The following SMG1 variants were observed in gnomAD, a reference collection of about 807,000 sequenced individuals.
SMG1 encodes serine/threonine-protein kinase SMG1.
A neutral mutation model predicts 419.9 loss-of-function variants in SMG1; 22 were observed. The ratio of observed to expected loss-of-function variants is 0.05; its 90% CI spans 0.04 to 0.07. The LOEUF (loss-of-function observed/expected upper bound fraction) is 0.07. SMG1 is among the 10% of genes least tolerant of loss of function. The pLI, the probability that SMG1 is intolerant of heterozygous loss-of-function variation, is 1.00. For missense variants in SMG1, 3,185 were observed against 4,342.0 expected (o/e 0.73, Z 7.49); for synonymous variants, 1,538 against 1,553.5 (o/e 0.99, Z 0.23).
intron 16 of SMG1, among the ~76,000 whole-genome samples, chr16:18,871,137 T>C (rs1345012093): frequency 2.0e-5 from 3 of 152,080 alleles, no homozygotes; most frequent in South Asian, 4.1e-4. Context: ...TAAAAGTATA[T>C]GCAAACTATA....
At chr16:18,834,505 T>TC in intron 49 of SMG1, 67 bp from the exon 50 acceptor site, 1 of 1,428,898 alleles carries the variant, frequency 7.0e-7, no homozygotes. Flanking sequence ...ACTGGCCGGG[T>TC]CAAGGCCATG....
At chr16:18,863,281 TAGAATA>T (rs1350701073) in intron 25 of SMG1, among the ~76,000 whole-genome samples, 1 of 152,230 alleles carries the variant, frequency 6.6e-6, no homozygotes, top group Admixed American at 6.5e-5. Context: ...CTGTCCTCAT[TAGAATA>T]AATGTTTTTG....
chr16:18,852,789 C>G (rs2034673304), intron 31 of SMG1, among the ~76,000 whole-genome samples: 1 of 152,194 alleles, frequency 6.6e-6, no homozygotes, highest in Admixed American at 6.5e-5. Context: ...ATCGGACTGG[C>G]TATTTCCTCA....
intron 38 of SMG1, among the ~76,000 whole-genome samples, chr16:18,846,159 GCTC>G (rs1161829088): frequency 4.6e-5 from 7 of 152,198 alleles, no homozygotes; most frequent in Admixed American, 2.6e-4. Context: ...AAAAGAGGCA[GCTC>G]CTCTTTTCAA....
chr16:18,881,323 A>ATT (rs2036387099), intron 10 of SMG1, among the ~76,000 whole-genome samples: 2 of 152,150 alleles, frequency 1.3e-5, no homozygotes. Flanking sequence ...TGAAGCAAAG[A>ATT]TATTAAACCA....
chr16:18,909,804 A>G (rs1567455880), intron 1 of SMG1, among the ~76,000 whole-genome samples: 1 of 152,112 alleles, frequency 6.6e-6, no homozygotes, highest in African/African-American at 2.4e-5. Context: ...AGCAGTAGCC[A>G]GAAATTTACT....
rs2033640551 is a variant in SMG1, at chr16:18,837,345, A to G, written c.7512T>C (p.Asp2504=). ...EYLSLQEQLT[D]VEKLQGKLLE... is the part of the protein sequence containing the mutation. ...GTAGTTTGCCCTGCAGTTTTTCCACATCTGTCAGTTGCTCTTGCAAGCTTA... is the reference window on the plus strand; with the variant it reads ...GTAGTTTGCCCTGCAGTTTTTCCACGTCTGTCAGTTGCTCTTGCAAGCTTA... Residue 2504 remains aspartate (D), a synonymous_variant, in exon 46 of 63, where the codon GAT becomes GAC. Coordinates refer to ENST00000446231, the MANE Select transcript of SMG1 (RefSeq NM_015092.5). 6.2e-7 allele frequency: 1 copy of G among 1,613,854 alleles called. No individual in the cohort carries two copies. Among genetic ancestry groups the G allele is most frequent in the Admixed American group, 1.7e-5 (1 of 59,988 alleles).
At chr16:18,874,798 A>C (rs2036016534) in intron 13 of SMG1, among the ~76,000 whole-genome samples, 1 of 125,310 alleles carries the variant, frequency 8.0e-6, no homozygotes, top group African/African-American at 3.0e-5. Context: ...CCCGGGAGGC[A>C]GAGGTGGCAG....
intron 1 of SMG1, among the ~76,000 whole-genome samples, chr16:18,913,182 G>C (rs2037853430): frequency 6.6e-6 from 1 of 152,054 alleles, no homozygotes; most frequent in Non-Finnish European, 1.5e-5. Flanking sequence ...TTAATGCATT[G>C]AATCTGAACT....
At chr16:18,869,445 G>C (rs1370681875) in intron 19 of SMG1, 142 bp from the exon 20 acceptor site, 4 of 692,932 alleles carry the variant, frequency 5.8e-6, no homozygotes, top group Non-Finnish European at 9.7e-6. Context: ...GAGAAGCATT[G>C]TGTCCCCCCT....
In SMG1 at chr16:18,889,433, C is replaced by T. The variant is rs1425703520; in HGVS notation, c.761G>A (p.Cys254Tyr). 3.4e-6 allele frequency: 2 copies of T among 595,776 alleles called. No individual in the cohort carries two copies. The highest frequency in any genetic ancestry group is 2.0e-5 in the South Asian group (1 of 49,954). The allele number at this position is 595,776 out of a possible 1,614,324, so 36.9% of individuals were successfully genotyped here. A position where few individuals can be genotyped will look rare whatever the true frequency, so the allele number is the denominator to read the frequency against. ...AGTCTCTAGTGCTTTGTAGGTGGCA[C>T]ATAAGTAGAGGAGTTTAACTTCATC... is the stretch of plus-strand genomic sequence containing the variant. ...AKDEVKLLYL[C>Y]ATYKALETVG... Residue 254 changes from cysteine to tyrosine, a missense_variant, in exon 6 of 63, where the codon TGT becomes TAT. Cys to Tyr is a radical substitution (Grantham distance 194). Transcript: ENST00000446231.
intron 56 of SMG1, among the ~76,000 whole-genome samples, chr16:18,818,895 G>A (rs2032265104): frequency 6.7e-6 from 1 of 149,472 alleles, no homozygotes; most frequent in African/African-American, 2.5e-5. Context: ...TGGATCACTG[G>A]AACCTCTGGC....
At chr16:18,888,983 T>C (rs11865878) in intron 6 of SMG1, among the ~76,000 whole-genome samples, 27,885 of 151,642 alleles carry the variant, frequency 0.18, 2,652 homozygotes, top group Middle Eastern at 0.26. Flanking sequence ...CCACCACGCC[T>C]GGCTAATTTT....
intron 55 of SMG1, among the ~76,000 whole-genome samples, chr16:18,821,221 CT>C (rs869238782): frequency 0.11 from 3,791 of 35,544 alleles, 156 homozygotes; most frequent in East Asian, 0.12. Flanking sequence ...TAGTATGTTT[CT>C]TTTTTTTTTT....
intron 56 of SMG1, 21 bp from the exon 57 acceptor site, chr16:18,817,491 C>A: frequency 6.5e-7 from 1 of 1,532,082 alleles, no homozygotes; most frequent in Non-Finnish European, 8.8e-7. Flanking sequence ...AGAAATGGAA[C>A]CACAAGAGGA....
At position 18,847,866 on chromosome 16, in the gene SMG1, T is replaced by C. The variant is rs774286890; in HGVS notation, c.5791A>G (p.Ser1931Gly). Reference sequence around the variant, plus strand: ...GAGGACAGCTTATCTACAATTTTGCTGTAACAATCCTGCATCATGGCTTGG... The same window carrying C: ...GAGGACAGCTTATCTACAATTTTGCCGTAACAATCCTGCATCATGGCTTGG... Reference protein sequence around the residue: ...EDQAMMQDCYSKIVDKLSSAN... With the variant: ...EDQAMMQDCYGKIVDKLSSAN... The change falls in exon 37 of 63, where the codon AGC becomes GGC. Residue 1931 changes from serine to glycine, a missense_variant. Physicochemically the swap from Ser to Gly is moderately conservative, Grantham distance 56. This residue lies in a region of SMG1 where 130 missense variants were observed against 162.0 expected (regional missense o/e 0.80). Coordinates refer to ENST00000446231, the MANE Select transcript of SMG1 (RefSeq NM_015092.5). The C allele has an allele frequency of 1.9e-6, 3 of 1,614,092 alleles. No homozygotes were observed. Among genetic ancestry groups the C allele is most frequent in the South Asian group, 1.1e-5 (1 of 91,084 alleles).
intron 1 of SMG1, among the ~76,000 whole-genome samples, chr16:18,904,190 G>A (rs2037464802): frequency 6.6e-6 from 1 of 150,450 alleles, no homozygotes; most frequent in South Asian, 2.1e-4. Context: ...ACCCACCTTG[G>A]CCTCCCAAAG....
rs1396866459 is a variant in SMG1, at chr16:18,839,743, G to C, written c.6900C>G (p.Leu2300=). ...ATPPNLLAKE[L]WSSCTTPDEW... The stretch of plus-strand genomic sequence containing the variant: ...CATCAGGTGTTGTGCAAGATGACCA[G>C]AGCTCTTTGGCAAGGAGATTCGGGG... Residue 2300 remains leucine, a synonymous_variant, in exon 42 of 63, where the codon CTC becomes CTG. Transcript: ENST00000446231. 5 of 1,613,848 alleles carry C rather than the reference G, an allele frequency of 3.1e-6. No homozygotes were observed. In the African/African-American group the frequency reaches 4.0e-5, roughly 13 times the overall value.
intron 1 of SMG1, among the ~76,000 whole-genome samples, chr16:18,921,192 G>T (rs2038186605): frequency 6.6e-6 from 1 of 150,622 alleles, no homozygotes; most frequent in African/African-American, 2.4e-5. Context: ...AAATTAGCCT[G>T]GGACTAATTT....
Sources: gnomAD v4.1 joint callset for allele counts (sites outside exome capture counted in the v4.1 genomes callset) on GRCh38, gnomAD v4.1.1 for gene constraint, gnomAD v4.1.1 regional missense constraint, MANE v1.5 for transcripts, NCBI Gene and HGNC (gene_info 2026-07-23, HGNC 2026-07-21) for gene names.